GDPD4: variants seen among roughly 807,000 people sequenced by gnomAD.
GDPD4 encodes the protein glycerophosphodiester phosphodiesterase domain containing 4.
A neutral mutation model predicts 67.8 loss-of-function variants in GDPD4; 60 were observed. The observed-to-expected ratio is 0.88, with a 90% CI of 0.72 to 1.10. GDPD4 has a LOEUF of 1.10. GDPD4 is among the 50% of genes least tolerant of loss of function. The probability of loss-of-function intolerance (pLI) is 0.00; values close to 1 mark genes in which losing one functional copy is unlikely to be tolerated. For synonymous variants in GDPD4, 212 were observed against 210.9 expected (o/e 1.00, Z -0.04); for missense variants, 623 against 613.9 (o/e 1.01, Z -0.16).
chr11:77,298,077 A>C (rs1210806460), intron 1 of GDPD4, among the ~76,000 whole-genome samples: 1 of 151,944 alleles, frequency 6.6e-6, no homozygotes, highest in Non-Finnish European at 1.5e-5. Flanking sequence ...AAGACTACCT[A>C]CAGTTTTTTG....
At chr11:77,236,420 C>G (rs1428055729) in intron 13 of GDPD4, among the ~76,000 whole-genome samples, 1 of 151,734 alleles carries the variant, frequency 6.6e-6, no homozygotes, top group Non-Finnish European at 1.5e-5. Flanking sequence ...TATTACTGGA[C>G]CTAACATTCC....
At chr11:77,243,381 G>A (rs1958710077) in intron 13 of GDPD4, among the ~76,000 whole-genome samples, 1 of 152,108 alleles carries the variant, frequency 6.6e-6, no homozygotes, top group South Asian at 2.1e-4. Context: ...ACTTTTCAAC[G>A]TCCACCTTTT....
intron 1 of GDPD4, among the ~76,000 whole-genome samples, chr11:77,288,129 C>A (rs969291266): frequency 3.3e-5 from 5 of 152,180 alleles, no homozygotes; most frequent in South Asian, 4.1e-4. Flanking sequence ...TGCCTACCCA[C>A]ACATGCCAGC....
Position 77,216,699 on chromosome 11 carries a change from A to T in GDPD4, c.*578T>A, listed in dbSNP as rs1166003944. 1.8e-6 allele frequency: 1 copy of T among 562,240 alleles called. No homozygotes were observed. Among genetic ancestry groups the T allele is most frequent in the Non-Finnish European group, 3.2e-6 (1 of 316,112 alleles). 34.8% of individuals were successfully genotyped at this position (562,240 alleles called of 1,614,324 possible). ...TTTTCCCCTTGCCTAGCCCCTTGAG[A>T]TGCATTCTTGATAGCGAGAGCACAA... is the stretch of plus-strand genomic sequence containing the variant. On this transcript the variant is annotated 3_prime_UTR_variant, in exon 17 of 17. Transcript: ENST00000315938.
intron 1 of GDPD4, among the ~76,000 whole-genome samples, chr11:77,291,388 T>C (rs1937772150): frequency 6.6e-6 from 1 of 152,050 alleles, no homozygotes; most frequent in Admixed American, 6.5e-5. Flanking sequence ...TGCAGGGGGA[T>C]GAAGAAAGGT....
At chr11:77,292,919 C>A (rs1249318339) in intron 1 of GDPD4, among the ~76,000 whole-genome samples, 1 of 151,880 alleles carries the variant, frequency 6.6e-6, no homozygotes, top group Non-Finnish European at 1.5e-5. Context: ...ACTTGAATAG[C>A]CCTTTATCTA....
chr11:77,286,206 C>T (rs1394302215), intron 2 of GDPD4, among the ~76,000 whole-genome samples: 3 of 152,154 alleles, frequency 2.0e-5, no homozygotes. Context: ...CTTCCACCAT[C>T]CCCAATTCTC....
intron 7 of GDPD4, among the ~76,000 whole-genome samples, chr11:77,270,552 T>G (rs1180515380): frequency 2.0e-5 from 3 of 151,998 alleles, no homozygotes; most frequent in Admixed American, 1.3e-4. Flanking sequence ...CCCATCTCTA[T>G]TAAAAATACA....
chr11:77,273,374 C>G (rs960674509), intron 5 of GDPD4, among the ~76,000 whole-genome samples: 1 of 152,194 alleles, frequency 6.6e-6, no homozygotes, highest in Non-Finnish European at 1.5e-5. Context: ...GACCTGAAGA[C>G]TCAACCAAGG....
intron 11 of GDPD4, among the ~76,000 whole-genome samples, chr11:77,249,264 CAAA>C (rs34998852): frequency 6.4e-5 from 5 of 77,794 alleles, no homozygotes; most frequent in African/African-American, 1.5e-4. Context: ...GACTCCATCT[CAAA>C]AAAAAAAAAA....
intron 1 of GDPD4, among the ~76,000 whole-genome samples, chr11:77,295,380 C>A (rs2135897637): frequency 6.6e-6 from 1 of 151,996 alleles, no homozygotes; most frequent in African/African-American, 2.4e-5. Flanking sequence ...GCCTGTAATC[C>A]CAGCACTTTG....
chr11:77,217,062 C>T lies in GDPD4; in HGVS notation c.*215G>A, dbSNP rs1003796012. The T allele has an allele frequency of 5.5e-5, 39 of 704,306 alleles. 1 individual carries two copies. The East Asian group carries it at 8.6e-4, about 16-fold the overall frequency. The allele number at this position is 704,306 out of a possible 1,614,324, so 43.6% of individuals were successfully genotyped here. ...GGTGCTTGGGTGAGTTCAAAGACCA[C>T]GGTGGGCATCGGTGGTTGAATCTCA... On this transcript the variant is annotated 3_prime_UTR_variant, in exon 17 of 17. Transcript: ENST00000315938.
In GDPD4 at chr11:77,243,862, C is replaced by A. The variant is rs917781248; in HGVS notation, c.1087-14G>T. ...CAACCAAAAAATCTCTAAGGAGAAA[C>A]AAGAAGTCCCTCAGTAGATAATCAG... On this transcript the variant is annotated splice_polypyrimidine_tract_variant and intron_variant, in intron 12 of 16. Transcript: ENST00000315938. 1.2e-5 allele frequency: 20 copies of A among 1,604,688 alleles called. No homozygotes were observed. Among genetic ancestry groups the A allele is most frequent in the Non-Finnish European group, 1.7e-5 (20 of 1,172,976 alleles).
At chr11:77,280,414 A>T (rs1391301602) in intron 3 of GDPD4, among the ~76,000 whole-genome samples, 1 of 143,714 alleles carries the variant, frequency 7.0e-6, no homozygotes, top group South Asian at 2.2e-4. Context: ...TTGAAAAAAA[A>T]TTTTCGAAAT....
At chr11:77,256,933 T>C (rs184849895) in intron 11 of GDPD4, among the ~76,000 whole-genome samples, 3 of 152,364 alleles carry the variant, frequency 2.0e-5, no homozygotes, top group East Asian at 3.8e-4. Context: ...TATTCCTTTA[T>C]AGCAAAACAA....
chr11:77,238,878 A>G (rs540925499), intron 13 of GDPD4, among the ~76,000 whole-genome samples: 6 of 152,326 alleles, frequency 3.9e-5, no homozygotes, highest in African/African-American at 1.4e-4. Context: ...AAAGCAAGAT[A>G]CGGACACTAC....
chr11:77,235,514 A>G (rs147395808), intron 13 of GDPD4, among the ~76,000 whole-genome samples: 27 of 152,386 alleles, frequency 1.8e-4, no homozygotes, highest in African/African-American at 5.8e-4. Flanking sequence ...AAAACCATAC[A>G]ATAGATCCAT....
At chr11:77,276,859 T>C (rs1197731549) in intron 4 of GDPD4, among the ~76,000 whole-genome samples, 1 of 152,226 alleles carries the variant, frequency 6.6e-6, no homozygotes, top group African/African-American at 2.4e-5. Flanking sequence ...TGTATTTCAT[T>C]TGTTCTTTAC....
rs745620337 is a variant in GDPD4, at chr11:77,268,988, C to T, written c.560G>A (p.Cys187Tyr). The change falls in exon 9 of 17, where the codon TGC becomes TAC. Residue 187 changes from cysteine (C) to tyrosine (Y), a missense_variant. Coordinates refer to ENST00000315938, the MANE Select transcript of GDPD4 (RefSeq NM_182833.3). ...CCCCAAATTCTCCTTCTCCTGAATG[C>T]AGGGAGAATAAATCCCCAGTGGCAT... Reference protein sequence around the residue: ...YLMPLGIYSPCIQEKENLGPK... With the variant: ...YLMPLGIYSPYIQEKENLGPK... 3.1e-6 allele frequency: 5 copies of T among 1,613,672 alleles called. No homozygotes were observed. The highest frequency in any genetic ancestry group is 1.1e-5 in the South Asian group (1 of 91,058).
Sources: gnomAD v4.1 joint callset for allele counts (sites outside exome capture counted in the v4.1 genomes callset) on GRCh38, gnomAD v4.1.1 for gene constraint, MANE v1.5 for transcripts, NCBI Gene and HGNC (gene_info 2026-07-23, HGNC 2026-07-21) for gene names.